Variants in P4HA3 observed in about 807,000 individuals in gnomAD.
P4HA3 encodes the protein prolyl 4-hydroxylase subunit alpha 3.
In P4HA3, 60 loss-of-function variants were observed where a neutral mutation model predicts 66.7. That is an observed-to-expected ratio of 0.90 (90% CI 0.73 to 1.12). P4HA3 has a LOEUF of 1.12. Among genes scored for constraint, P4HA3 ranks in the 50% most tolerant of loss-of-function variants. The probability of loss-of-function intolerance (pLI) is 0.00; values close to 1 mark genes in which losing one functional copy is unlikely to be tolerated. For synonymous variants in P4HA3, 263 were observed against 274.6 expected (o/e 0.96, Z 0.42); for missense variants, 683 against 685.8 (o/e 1.00, Z 0.05).
intron 2 of P4HA3, 31 bp downstream of exon 2, chr11:74,304,239 T>C (rs1207226788): frequency 6.2e-7 from 1 of 1,609,858 alleles, no homozygotes; most frequent in Non-Finnish European, 8.5e-7. Context: ...TAGAATCTTC[T>C]CTCTTACCCT....
chr11:74,301,439 T>C lies in P4HA3; in HGVS notation c.567+930A>G, dbSNP rs147493490. On this transcript the variant is annotated intron_variant, in intron 3 of 12. Coordinates refer to ENST00000331597, the MANE Select transcript of P4HA3 (RefSeq NM_182904.5). ...TTTAAATCAGCCATGAACATGATGA[T>C]TGAGCTCTGATTCCACTCAGGATCC... 3.9e-5 allele frequency among the ~76,000 whole-genome samples: 6 copies of C among 152,260 alleles called. No individual in the cohort carries two copies. The East Asian group carries it at 7.7e-4, about 20-fold the overall frequency.
At position 74,295,662 on chromosome 11, in the gene P4HA3, CA is replaced by C. The variant is rs1312526741; in HGVS notation, c.717+2549del. On this transcript the variant is annotated intron_variant, in intron 4 of 12. Coordinates refer to ENST00000331597, the MANE Select transcript of P4HA3 (RefSeq NM_182904.5). ...TGATTGTTTCACTTTACATTGTTATCAGGAGTACTTTGATGTCATCACATAG... is the reference window on the plus strand; with the variant it reads ...TGATTGTTTCACTTTACATTGTTATCGGAGTACTTTGATGTCATCACATAG... Among the ~76,000 whole-genome samples, 5 of 151,986 alleles carry C rather than the reference CA, an allele frequency of 3.3e-5. 1 individual carries two copies. The highest frequency in any genetic ancestry group is 7.4e-5 in the Non-Finnish European group (5 of 67,982).
downstream of P4HA3, among the ~76,000 whole-genome samples, chr11:74,262,994 A>G (rs756467361): frequency 6.6e-6 from 1 of 152,224 alleles, no homozygotes; most frequent in Non-Finnish European, 1.5e-5. Context: ...TGTGCTCTAC[A>G]GGCATGCATT....
At chr11:74,277,276 G>A in intron 8 of P4HA3, 132 bp from the exon 9 acceptor site, 1 of 1,194,664 alleles carries the variant, frequency 8.4e-7, no homozygotes, top group Non-Finnish European at 1.2e-6. Context: ...GGAGGAAAGA[G>A]AGGGAGGGAA....
chr11:74,269,533 G>A (rs367734458), intron 11 of P4HA3, 119 bp downstream of exon 11: 1 of 995,112 alleles, frequency 1.0e-6, no homozygotes, highest in Non-Finnish European at 1.5e-6. Flanking sequence ...GGGAATTGGG[G>A]AAGACCTCTT....
At chr11:74,309,524 T>C (rs1353416110) in intron 1 of P4HA3, among the ~76,000 whole-genome samples, 1 of 152,156 alleles carries the variant, frequency 6.6e-6, no homozygotes, top group Non-Finnish European at 1.5e-5. Flanking sequence ...AGATTACTGG[T>C]ATGAGAACAA....
At position 74,302,500 on chromosome 11, in the gene P4HA3, C is replaced by T. The variant is rs767738488; in HGVS notation, c.436G>A (p.Val146Met). 17 of 1,614,096 alleles carry T rather than the reference C, an allele frequency of 1.1e-5. No individual in the cohort carries two copies. The highest frequency in any genetic ancestry group is 8.0e-5 in the African/African-American group (6 of 74,918). The change falls in exon 3 of 13, where the codon GTG becomes ATG. Residue 146 changes from valine (V) to methionine (M), a missense_variant. Coordinates refer to ENST00000331597, the MANE Select transcript of P4HA3 (RefSeq NM_182904.5). ...AARALMRLQD[V>M]YMLNVKGLAR... ...AGGCCTTTCACATTGAGCATGTACA[C>T]GTCCTGCAGCCGCATCAGGGCCCTT...
At chr11:74,288,421 G>A (rs1591115296) in intron 5 of P4HA3, among the ~76,000 whole-genome samples, 1 of 152,134 alleles carries the variant, frequency 6.6e-6, no homozygotes, top group African/African-American at 2.4e-5. Flanking sequence ...TCATTCTTGG[G>A]TCTGCTTCCA....
rs753697140 is a variant in P4HA3, at chr11:74,279,447, C to T, written c.1116G>A (p.Gln372=). ...KIRELAEPWL[Q]RSVVASGEKQ... ...TCTCCCCTGATGCCACCACTGACCT[C>T]TGTAGCTGGTGGGAAGAATGTAAGA... Residue 372 remains glutamine (Q), a synonymous_variant, in exon 8 of 13, where the codon CAG becomes CAA. Coordinates refer to ENST00000331597, the MANE Select transcript of P4HA3 (RefSeq NM_182904.5). 3 of 1,613,788 alleles carry T rather than the reference C, an allele frequency of 1.9e-6. No individual in the cohort carries two copies. The highest frequency in any genetic ancestry group is 2.7e-5 in the African/African-American group (2 of 74,918).
intron 4 of P4HA3, among the ~76,000 whole-genome samples, chr11:74,297,103 G>GTTTGTT (rs922252785): frequency 6.6e-6 from 1 of 151,542 alleles, no homozygotes; most frequent in African/African-American, 2.4e-5. Context: ...GGTTAATTTT[G>GTTTGTT]TTTGTTTTTG....
chr11:74,296,073 T>C (rs769080336), intron 4 of P4HA3, among the ~76,000 whole-genome samples: 21 of 152,218 alleles, frequency 1.4e-4, no homozygotes, highest in Admixed American at 6.5e-5. Flanking sequence ...AAAGAGAACA[T>C]ATATATGTAT....
At chr11:74,263,964 C>G (rs1247303676), downstream of P4HA3, among the ~76,000 whole-genome samples, 1 of 152,114 alleles carries the variant, frequency 6.6e-6, no homozygotes, top group African/African-American at 2.4e-5. Context: ...ATGCCCCAAG[C>G]CACAGTTGAC....
intron 15 of P4HA3, among the ~76,000 whole-genome samples, chr11:74,259,243 G>A (rs190611469): frequency 2.0e-5 from 3 of 152,340 alleles, no homozygotes; most frequent in Admixed American, 6.5e-5. Flanking sequence ...GCCGGGTGTG[G>A]TGGTGGGTGC....
intron 5 of P4HA3, chr11:74,287,095 T>C (rs1326573861): frequency 6.8e-6 from 8 of 1,176,906 alleles, no homozygotes; most frequent in Admixed American, 7.4e-5. Context: ...CCAATAAATC[T>C]TGTGTCTTGT....
At chr11:74,264,028 C>T (rs1310357696), downstream of P4HA3, among the ~76,000 whole-genome samples, 2 of 152,198 alleles carry the variant, frequency 1.3e-5, no homozygotes, top group African/African-American at 2.4e-5. Context: ...AAGGCCATGC[C>T]ACTTTATCAG....
chr11:74,288,296 C>T (rs1219224225), intron 5 of P4HA3, among the ~76,000 whole-genome samples: 1 of 152,158 alleles, frequency 6.6e-6, no homozygotes, highest in South Asian at 2.1e-4. Context: ...ATGCATGCAT[C>T]ACAGAGTGAG....
chr11:74,287,742 A>G (rs2134770568), intron 5 of P4HA3, among the ~76,000 whole-genome samples: 1 of 152,324 alleles, frequency 6.6e-6, no homozygotes, highest in East Asian at 1.9e-4. Context: ...GTATCTAAAT[A>G]CTAAATACTC....
chr11:74,284,735 A>C (rs1378636909), intron 7 of P4HA3, among the ~76,000 whole-genome samples: 1 of 151,996 alleles, frequency 6.6e-6, no homozygotes, highest in Non-Finnish European at 1.5e-5. Context: ...GGGGCTGCTG[A>C]TGCCTGTCTG....
chr11:74,282,486 G>A (rs1449369249), intron 7 of P4HA3, among the ~76,000 whole-genome samples: 1 of 152,234 alleles, frequency 6.6e-6, no homozygotes, highest in Non-Finnish European at 1.5e-5. Flanking sequence ...GTCAAGGGCA[G>A]TTCGTTCCAG....
Sources: allele counts gnomAD v4.1 joint callset (sites outside exome capture counted in the v4.1 genomes callset), GRCh38; gene constraint gnomAD v4.1.1; transcripts MANE v1.5; gene names NCBI Gene and HGNC (gene_info 2026-07-23, HGNC 2026-07-21).